CORIN: variants seen among roughly 807,000 people sequenced by gnomAD.
CORIN encodes corin, serine peptidase.
Under a neutral mutation model 125.3 loss-of-function variants are expected in CORIN, and 117 were observed. The observed-to-expected ratio is 0.93, with a 90% confidence interval of 0.80 to 1.09. CORIN has a LOEUF of 1.09. CORIN is among the 50% of genes least tolerant of loss of function. The pLI is 0.00. For synonymous variants in CORIN, 450 were observed against 466.4 expected (o/e 0.96, Z 0.45); for missense variants, 1,253 against 1,306.7 (o/e 0.96, Z 0.63).
At chr4:47,712,664 A>G (rs1448829346) in intron 5 of CORIN, among the ~76,000 whole-genome samples, 1 of 152,226 alleles carries the variant, frequency 6.6e-6, no homozygotes, top group Non-Finnish European at 1.5e-5. Context: ...ACAGAGAGGG[A>G]TAAGAGATAA....
chr4:47,680,508 T>G, intron 7 of CORIN: 1 of 356,440 alleles, frequency 2.8e-6, no homozygotes, highest in Non-Finnish European at 5.1e-6. Flanking sequence ...GACCCGTAGT[T>G]TGTTCTTATT....
At chr4:47,837,593 C>A in intron 1 of CORIN, 1 of 535,274 alleles carries the variant, frequency 1.9e-6, no homozygotes, top group Non-Finnish European at 3.3e-6. Flanking sequence ...GCATGGAGAC[C>A]GGGGTCTCCG....
chr4:47,699,246 T>C (rs1726176113), intron 5 of CORIN, among the ~76,000 whole-genome samples: 1 of 152,232 alleles, frequency 6.6e-6, no homozygotes, highest in South Asian at 2.1e-4. Context: ...ATTCAATCTA[T>C]GTCTTTCTGT....
chr4:47,660,192 T>C (rs1724181699), intron 12 of CORIN, among the ~76,000 whole-genome samples: 1 of 152,104 alleles, frequency 6.6e-6, no homozygotes, highest in East Asian at 1.9e-4. Flanking sequence ...CAAATCAAAA[T>C]GAATAAAGAC....
intron 12 of CORIN, among the ~76,000 whole-genome samples, chr4:47,659,202 C>T (rs1313807402): frequency 6.6e-6 from 1 of 152,162 alleles, no homozygotes; most frequent in Non-Finnish European, 1.5e-5. Context: ...ATCACTTAAC[C>T]AATTTTTAAG....
At chr4:47,596,997 C>A (rs913156273) in intron 21 of CORIN, among the ~76,000 whole-genome samples, 3 of 152,030 alleles carry the variant, frequency 2.0e-5, no homozygotes, top group Non-Finnish European at 1.5e-5. Flanking sequence ...AACAGGATTC[C>A]AACTCTATAA....
rs78550769 is a variant in CORIN at position 47,816,219 on chromosome 4, T to C, written c.64-9172A>G. Among the ~76,000 whole-genome samples, 110 of 152,282 alleles carry C rather than the reference T, an allele frequency of 7.2e-4. 1 individual carries two copies. The East Asian group carries it at 0.018, about 25-fold the overall frequency. Reference sequence around the variant, plus strand: ...GAAAAGGAATCCTGCAGTGAAAAAATACAAGTAATGATGTTATGCATTAGA... The same window carrying C: ...GAAAAGGAATCCTGCAGTGAAAAAACACAAGTAATGATGTTATGCATTAGA... On this transcript the variant is annotated intron_variant, in intron 1 of 21. Coordinates refer to ENST00000273857, the MANE Select transcript of CORIN (RefSeq NM_006587.4).
At chr4:47,621,454 C>T (rs73238616) in intron 19 of CORIN, among the ~76,000 whole-genome samples, 13,223 of 152,212 alleles carry the variant, frequency 0.087, 651 homozygotes, top group African/African-American at 0.13. Context: ...AGACAAATTA[C>T]GCCAACTACA....
intron 5 of CORIN, among the ~76,000 whole-genome samples, chr4:47,728,456 A>T (rs1393831995): frequency 6.6e-6 from 1 of 152,190 alleles, no homozygotes; most frequent in Non-Finnish European, 1.5e-5. Flanking sequence ...TGGTTCTGTA[A>T]AGATCTATCA....
At chr4:47,664,103 G>A (rs576571523) in intron 11 of CORIN, among the ~76,000 whole-genome samples, 3 of 152,202 alleles carry the variant, frequency 2.0e-5, no homozygotes, top group South Asian at 4.1e-4. Flanking sequence ...GTTGCTACTC[G>A]CATTTAGGCC....
At chr4:47,677,221 G>T (rs980539976) in intron 9 of CORIN, among the ~76,000 whole-genome samples, 23 of 152,140 alleles carry the variant, frequency 1.5e-4, no homozygotes, top group African/African-American at 5.1e-4. Flanking sequence ...GACCTAAAAG[G>T]GATGTAAGTA....
At chr4:47,665,307 T>A (rs766007407) in intron 10 of CORIN, 44 bp from the exon 11 acceptor site, 21 of 1,409,154 alleles carry the variant, frequency 1.5e-5, no homozygotes, top group Non-Finnish European at 2.1e-5. Flanking sequence ...ATTTCACATA[T>A]AAAAACAACT....
intron 3 of CORIN, among the ~76,000 whole-genome samples, chr4:47,785,314 T>G (rs1730737913): frequency 6.6e-6 from 1 of 152,222 alleles, no homozygotes; most frequent in South Asian, 2.1e-4. Context: ...CCGAGTATTC[T>G]GTATTCCGGA....
chr4:47,611,229 A>G (rs893064941), intron 19 of CORIN, among the ~76,000 whole-genome samples: 2 of 152,222 alleles, frequency 1.3e-5, no homozygotes, highest in South Asian at 2.1e-4. Flanking sequence ...ATCCATGAGC[A>G]TGGAATTTTT....
intron 5 of CORIN, among the ~76,000 whole-genome samples, chr4:47,714,621 C>T (rs1727005216): frequency 6.7e-6 from 1 of 150,028 alleles, no homozygotes; most frequent in East Asian, 2.1e-4. Flanking sequence ...CTTTGTGATG[C>T]ATACAGTTTC....
At chr4:47,611,863 C>T (rs962507936) in intron 19 of CORIN, among the ~76,000 whole-genome samples, 40 of 151,626 alleles carry the variant, frequency 2.6e-4, no homozygotes, top group African/African-American at 8.7e-4. Flanking sequence ...ATGTGGTTTT[C>T]GCCTAGTTCT....
chr4:47,612,060 G>A (rs1244764659), intron 19 of CORIN, among the ~76,000 whole-genome samples: 1 of 152,154 alleles, frequency 6.6e-6, no homozygotes, highest in Non-Finnish European at 1.5e-5. Flanking sequence ...TTGGTATCAG[G>A]ATGATGCTAG....
intron 1 of CORIN, among the ~76,000 whole-genome samples, chr4:47,827,427 T>C (rs1340022780): frequency 6.6e-6 from 1 of 152,186 alleles, no homozygotes; most frequent in Non-Finnish European, 1.5e-5. Flanking sequence ...TTATTCCAAC[T>C]TTTCAGAGAA....
At chr4:47,631,021 G>A (rs567480974) in intron 16 of CORIN, among the ~76,000 whole-genome samples, 1 of 152,260 alleles carries the variant, frequency 6.6e-6, no homozygotes, top group South Asian at 2.1e-4. Context: ...GCTAGAGGAG[G>A]AGGGCCGGAG....
Sources: allele counts gnomAD v4.1 joint callset (sites outside exome capture counted in the v4.1 genomes callset), GRCh38; gene constraint gnomAD v4.1.1; transcripts MANE v1.5; gene names NCBI Gene and HGNC (gene_info 2026-07-23, HGNC 2026-07-21).